PKD2: variants seen among roughly 807,000 people sequenced by gnomAD.
The protein encoded by PKD2 is polycystin 2, transient receptor potential cation channel.
In PKD2, 48 loss-of-function variants were observed where a neutral mutation model predicts 105.9. The ratio of observed to expected loss-of-function variants is 0.45; its 90% CI spans 0.36 to 0.58. The LOEUF is 0.58. Ranked by LOEUF, PKD2 falls within the 20% of genes least tolerant of loss-of-function variation. The pLI is 0.00. For synonymous variants in PKD2, 464 were observed against 481.1 expected, an observed-to-expected ratio of 0.96 and a Z score of 0.46; for missense variants, 1,078 against 1,255.3, an observed-to-expected ratio of 0.86 and a Z score of 2.13.
At chr4:88,060,538 T>C (rs2728133) in intron 9 of PKD2, among the ~76,000 whole-genome samples, 46,821 of 151,472 alleles carry the variant, frequency 0.31, 11,052 homozygotes, top group African/African-American at 0.65. Context: ...CTGCCAGTAC[T>C]GGGGTAAGGA....
intron 2 of PKD2, among the ~76,000 whole-genome samples, chr4:88,030,670 C>G (rs776145407): frequency 6.6e-6 from 1 of 152,194 alleles, no homozygotes; most frequent in Non-Finnish European, 1.5e-5. Flanking sequence ...GGTGCCCACC[C>G]GAACCGGCCC....
intron 5 of PKD2, among the ~76,000 whole-genome samples, chr4:88,046,037 TC>T (rs958012966): frequency 4.6e-5 from 7 of 151,984 alleles, no homozygotes; most frequent in African/African-American, 1.7e-4. Flanking sequence ...TTCCTGTAAT[TC>T]CAGCACTCTG....
chr4:88,048,810 C>G (rs973546372), intron 6 of PKD2, among the ~76,000 whole-genome samples: 3 of 152,112 alleles, frequency 2.0e-5, no homozygotes, highest in African/African-American at 7.2e-5. Context: ...CAGAGTTACA[C>G]AAGAATTTTA....
chr4:88,052,161 A>G lies in PKD2; in HGVS notation c.1716+3A>G, dbSNP rs1488019282. On this transcript the variant is annotated splice_donor_region_variant and intron_variant, in intron 7 of 14. Transcript: ENST00000237596. ...CAGTATTTTTTGTCTGGATTAAGGT[A>G]ATTTATAAATTTCATGTTCTACATT... 1.3e-6 allele frequency: 2 copies of G among 1,528,368 alleles called. No homozygotes were observed. Among genetic ancestry groups the G allele is most frequent in the Non-Finnish European group, 1.8e-6 (2 of 1,103,858 alleles). 94.7% of individuals were successfully genotyped at this position (1,528,368 alleles called of 1,614,324 possible). A position where few individuals can be genotyped will look rare whatever the true frequency, so the allele number is the denominator to read the frequency against.
rs553661758 is a variant in PKD2 at position 88,046,478 on chromosome 4, G to A, written c.1320-164G>A. Among the ~76,000 whole-genome samples the A allele has an allele frequency of 2.4e-4, 36 of 152,268 alleles. 1 individual carries two copies. In the South Asian group the frequency reaches 5.6e-3, roughly 24 times the overall value. ...TGATGGCACAAAATTCTCCAAGTAT[G>A]GAATTATTAGCTATGATAAAAATGT... On this transcript the variant is annotated intron_variant, in intron 5 of 14. Transcript: ENST00000237596.
chr4:88,029,515 G>C (rs1364962100), intron 2 of PKD2, among the ~76,000 whole-genome samples: 2 of 151,894 alleles, frequency 1.3e-5, no homozygotes, highest in Non-Finnish European at 2.9e-5. Context: ...CTGAACACTT[G>C]GGTGTCATCC....
intron 6 of PKD2, among the ~76,000 whole-genome samples, chr4:88,049,592 C>T (rs979436609): frequency 2.6e-5 from 4 of 152,094 alleles, no homozygotes; most frequent in Admixed American, 1.3e-4. Flanking sequence ...CTTTTGCTGA[C>T]CAAGTGTAGA....
At chr4:88,052,928 A>G (rs1376451360) in intron 7 of PKD2, among the ~76,000 whole-genome samples, 5 of 152,220 alleles carry the variant, frequency 3.3e-5, no homozygotes, top group African/African-American at 1.2e-4. Flanking sequence ...GCTTCCAAAT[A>G]GTTCCTTGCT....
rs1203706764 is a variant in PKD2 at position 88,067,922 on chromosome 4, T to C, written c.2383T>C (p.Ser795Pro). The change falls in exon 13 of 15, where the codon TCT becomes CCT. Residue 795 changes from serine to proline, a missense_variant. Transcript: ENST00000237596. Reference protein sequence around the residue: ...EREDLDLDHSSLPRPMSSRSF... With the variant: ...EREDLDLDHSPLPRPMSSRSF... ...GGAGGACCTGGATTTGGATCACAGTTCTTTACCACGTCCCATGAGCAGCCG... is the reference window on the plus strand; with the variant it reads ...GGAGGACCTGGATTTGGATCACAGTCCTTTACCACGTCCCATGAGCAGCCG... 6.2e-7 allele frequency: 1 copy of C among 1,614,012 alleles called. No individual in the cohort carries two copies. Among genetic ancestry groups the C allele is most frequent in the Admixed American group, 1.7e-5 (1 of 60,006 alleles).
At chr4:88,070,623 G>GAGAA (rs1553928351) in intron 13 of PKD2, among the ~76,000 whole-genome samples, 4 of 146,112 alleles carry the variant, frequency 2.7e-5, no homozygotes, top group Admixed American at 6.9e-5. Context: ...GAGAGAGAGA[G>GAGAA]AGAGAAAGAG....
intron 2 of PKD2, among the ~76,000 whole-genome samples, chr4:88,022,549 G>A (rs1026076553): frequency 6.6e-6 from 1 of 152,114 alleles, no homozygotes; most frequent in Non-Finnish European, 1.5e-5. Context: ...GAATAACCAG[G>A]CAAGATTTAC....
intron 2 of PKD2, among the ~76,000 whole-genome samples, chr4:88,024,164 T>A (rs747413988): frequency 6.6e-6 from 1 of 151,992 alleles, no homozygotes; most frequent in Non-Finnish European, 1.5e-5. Context: ...TAGAAGATCT[T>A]TGAAAACAGT....
At chr4:88,065,958 G>C (rs559397348) in intron 12 of PKD2, 79 bp downstream of exon 12, 1 of 845,078 alleles carries the variant, frequency 1.2e-6, no homozygotes, top group Non-Finnish European at 2.1e-6. Flanking sequence ...AGAAGTAGTG[G>C]GTTATTGAGT....
Position 88,036,243 on chromosome 4 carries a change from A to C in PKD2, c.733A>C (p.Asn245His), listed in dbSNP as rs200543024. Reference protein sequence around the residue: ...CILTYGMMSSNVYYYTRMMSQ... With the variant: ...CILTYGMMSSHVYYYTRMMSQ... ...AGTGACCTACGGCATGATGAGCTCCAATGTGTACTACTACACCCGGATGAT... is the reference window on the plus strand; with the variant it reads ...AGTGACCTACGGCATGATGAGCTCCCATGTGTACTACTACACCCGGATGAT... Residue 245 changes from asparagine to histidine, a missense_variant, in exon 3 of 15, where the codon AAT becomes CAT. This residue lies in a region of PKD2 where 868 missense variants were observed against 1,067.3 expected (regional missense o/e 0.81). Transcript: ENST00000237596. 25 of 1,613,780 alleles carry C rather than the reference A, an allele frequency of 1.5e-5. No individual in the cohort carries two copies. In the African/African-American group the frequency reaches 3.2e-4, roughly 21 times the overall value.
In PKD2 at chr4:88,043,455, C is replaced by A; in HGVS notation, c.1317C>A (p.Val439=). 1.9e-6 allele frequency: 3 copies of A among 1,594,004 alleles called. No individual in the cohort carries two copies. The South Asian group carries it at 3.3e-5, about 18-fold the overall frequency. ...CCAACATTAACCTGTTCTGTGTGGT[C>A]AGGTGTGTACTGAGGACATGCATCC... ...YNANINLFCV[V]RLLVEFPATG... is the part of the protein sequence containing the mutation. The change falls in exon 5 of 15, where the codon GTC becomes GTA. Residue 439 remains valine (V), a splice_region_variant and synonymous_variant. Coordinates refer to ENST00000237596, the MANE Select transcript of PKD2 (RefSeq NM_000297.4).
intron 14 of PKD2, 59 bp downstream of exon 14, chr4:88,075,018 A>G (rs998448578): frequency 1.9e-6 from 3 of 1,574,594 alleles, no homozygotes; most frequent in Non-Finnish European, 2.6e-6. Flanking sequence ...ATGAAAATAT[A>G]TGTTGCTGAC....
intron 2 of PKD2, among the ~76,000 whole-genome samples, chr4:88,027,248 C>T (rs1014826652): frequency 3.3e-5 from 5 of 152,222 alleles, no homozygotes; most frequent in African/African-American, 1.2e-4. Flanking sequence ...GGGCTGTACC[C>T]TGCAGAGCCA....
chr4:88,052,130 C>T lies in PKD2; in HGVS notation c.1688C>T (p.Ala563Val). The change falls in exon 7 of 15, where the codon GCT (alanine) becomes GTT (valine). Residue 563 changes from alanine to valine, a missense_variant. Around this residue, in one of 2 missense-constraint regions of PKD2, gnomAD observed 868 missense variants for 1,067.3 expected, o/e 0.81. Transcript: ENST00000237596. ...CAGATACAGTTCAACAATATAGCTG[C>T]TGTCACAGTATTTTTTGTCTGGATT... ...YWQIQFNNIA[A>V]VTVFFVWIKL... 6.2e-7 allele frequency: 1 copy of T among 1,603,194 alleles called. No individual in the cohort carries two copies. The highest frequency in any genetic ancestry group is 8.5e-7 in the Non-Finnish European group (1 of 1,170,640).
rs898224416 is a variant in PKD2, at chr4:88,075,490, T to C, written c.2703T>C (p.His901=). 9 of 1,613,926 alleles carry C rather than the reference T, an allele frequency of 5.6e-6. No individual in the cohort carries two copies. Among genetic ancestry groups the C allele is most frequent in the Non-Finnish European group, 6.8e-6 (8 of 1,179,928 alleles). ...GGCTGGGTCGTGACAGTGAAATCCA[T>C]AGGGAACAGATGGAACGGCTAGTAC... ...DERLGRDSEI[H]REQMERLVRE... is the part of the protein sequence containing the mutation. Residue 901 remains histidine, a synonymous_variant, in exon 15 of 15, where the codon CAT becomes CAC. Transcript: ENST00000237596.
Sources: gnomAD v4.1 joint callset for allele counts (sites outside exome capture counted in the v4.1 genomes callset) on GRCh38, gnomAD v4.1.1 for gene constraint, gnomAD v4.1.1 regional missense constraint, MANE v1.5 for transcripts, NCBI Gene and HGNC (gene_info 2026-07-23, HGNC 2026-07-21) for gene names.